PTPRD: variants seen among roughly 807,000 people sequenced by gnomAD.
PTPRD encodes receptor-type tyrosine-protein phosphatase delta.
In PTPRD, 34 loss-of-function variants were observed where a neutral mutation model predicts 214.5. That is an observed-to-expected ratio of 0.16 (90% CI 0.12 to 0.21). The LOEUF is 0.21. PTPRD is among the 10% of genes least tolerant of loss of function. The pLI is 1.00. For missense variants in PTPRD, 2,545 were observed against 2,398.7 expected (o/e 1.06, Z -1.27); for synonymous variants, 1,128 against 845.7 (o/e 1.33, Z -5.79).
chr9:10,450,315 G>A (rs1319934374), intron 2 of PTPRD, among the ~76,000 whole-genome samples: 1 of 151,816 alleles, frequency 6.6e-6, no homozygotes, highest in African/African-American at 2.4e-5. Flanking sequence ...GCACATAACT[G>A]TATATAAAAA....
chr9:9,386,893 A>G (rs1255689153), intron 9 of PTPRD, among the ~76,000 whole-genome samples: 2 of 152,170 alleles, frequency 1.3e-5, no homozygotes. Context: ...GCCCCAACAC[A>G]GAGGCATTTT....
chr9:9,910,844 A>C (rs999555740), intron 5 of PTPRD, among the ~76,000 whole-genome samples: 3 of 152,080 alleles, frequency 2.0e-5, no homozygotes, highest in African/African-American at 7.2e-5. Context: ...AAAACTGAGA[A>C]GTTCTGAGTT....
At chr9:10,391,021 A>G (rs991612245) in intron 2 of PTPRD, among the ~76,000 whole-genome samples, 2 of 151,832 alleles carry the variant, frequency 1.3e-5, no homozygotes, top group Admixed American at 1.3e-4. Context: ...AACACTCACC[A>G]TGGGGAACTG....
chr9:9,739,822 T>G (rs1245965189), intron 6 of PTPRD, among the ~76,000 whole-genome samples: 2 of 140,590 alleles, frequency 1.4e-5, no homozygotes, highest in Non-Finnish European at 3.0e-5. Flanking sequence ...TTTCTCTACA[T>G]ATATATATAT....
chr9:9,866,308 A>G (rs967200998), intron 5 of PTPRD, among the ~76,000 whole-genome samples: 1 of 152,196 alleles, frequency 6.6e-6, no homozygotes, highest in Admixed American at 6.5e-5. Flanking sequence ...AAAGTATTTC[A>G]TAACACTTAT....
At chr9:9,589,780 T>C (rs868650560) in intron 7 of PTPRD, among the ~76,000 whole-genome samples, 92 of 152,158 alleles carry the variant, frequency 6.0e-4, no homozygotes, top group African/African-American at 2.2e-3. Context: ...ATGTTGAAAT[T>C]TGAACAACAA....
intron 9 of PTPRD, among the ~76,000 whole-genome samples, chr9:9,378,071 T>C (rs2061270395): frequency 6.6e-6 from 1 of 152,050 alleles, no homozygotes; most frequent in South Asian, 2.1e-4. Flanking sequence ...TGAACCTCCA[T>C]TAAAACATCG....
rs1008857605 is a variant in PTPRD at position 10,172,138 on chromosome 9, C to G, written c.-544-138348G>C. ...TTAAGGAGTCAAAATCTAAAGACGA[C>G]CAACTGAAAAAGTTACTTGGTTCTA... On this transcript the variant is annotated intron_variant, in intron 3 of 45. Coordinates refer to ENST00000381196, the MANE Select transcript of PTPRD (RefSeq NM_002839.4). 2.0e-5 allele frequency among the ~76,000 whole-genome samples: 3 copies of G among 152,110 alleles called. No homozygotes were observed. In the East Asian group the frequency reaches 5.8e-4, roughly 29 times the overall value.
At chr9:8,444,055 C>G (rs547643416) in intron 34 of PTPRD, among the ~76,000 whole-genome samples, 25 of 152,156 alleles carry the variant, frequency 1.6e-4, no homozygotes, top group Non-Finnish European at 2.4e-4. Flanking sequence ...GTCTCTCTAT[C>G]AAAATGGTAA....
intron 4 of PTPRD, among the ~76,000 whole-genome samples, chr9:9,942,245 A>T (rs922241945): frequency 6.6e-6 from 1 of 152,174 alleles, no homozygotes; most frequent in East Asian, 1.9e-4. Context: ...TCCTTTAAAA[A>T]AATTCAATGA....
chr9:9,649,589 C>G (rs1301700774), intron 7 of PTPRD, among the ~76,000 whole-genome samples: 1 of 152,166 alleles, frequency 6.6e-6, no homozygotes, highest in Non-Finnish European at 1.5e-5. Context: ...TTGAGTGAGA[C>G]TAAATATCAC....
intron 8 of PTPRD, among the ~76,000 whole-genome samples, chr9:9,483,157 G>C (rs2095488366): frequency 6.6e-6 from 1 of 152,060 alleles, no homozygotes; most frequent in Non-Finnish European, 1.5e-5. Context: ...CTTTGTCTTA[G>C]AAATCATGCA....
At chr9:10,555,750 A>G (rs551187294) in intron 2 of PTPRD, among the ~76,000 whole-genome samples, 1 of 152,336 alleles carries the variant, frequency 6.6e-6, no homozygotes, top group African/African-American at 2.4e-5. Flanking sequence ...CAAGTGCTAG[A>G]AAAAAACCAC....
At chr9:9,577,594 G>C (rs1010441356) in intron 7 of PTPRD, among the ~76,000 whole-genome samples, 11 of 151,884 alleles carry the variant, frequency 7.2e-5, no homozygotes, top group African/African-American at 2.7e-4. Flanking sequence ...AAATAAAAAG[G>C]AGTTTATTTT....
intron 8 of PTPRD, among the ~76,000 whole-genome samples, chr9:9,561,936 G>A (rs2083074238): frequency 6.6e-6 from 1 of 151,910 alleles, no homozygotes; most frequent in South Asian, 2.1e-4. Context: ...TCATTTTATG[G>A]CTTTAAATGT....
intron 11 of PTPRD, among the ~76,000 whole-genome samples, chr9:8,906,279 T>C (rs1203462820): frequency 6.6e-6 from 1 of 152,208 alleles, no homozygotes; most frequent in Non-Finnish European, 1.5e-5. Context: ...CACTGTTTTT[T>C]TAAGCACTTG....
At chr9:8,322,013 T>G (rs201634075) in intron 44 of PTPRD, among the ~76,000 whole-genome samples, 2 of 152,148 alleles carry the variant, frequency 1.3e-5, no homozygotes, top group African/African-American at 4.8e-5. Context: ...TCTGTTAAAG[T>G]GATCTGTGAT....
intron 14 of PTPRD, among the ~76,000 whole-genome samples, chr9:8,632,026 T>C (rs1397565730): frequency 1.3e-5 from 2 of 151,800 alleles, no homozygotes; most frequent in East Asian, 1.9e-4. Context: ...GTCAATACTT[T>C]CCCTGCAACT....
chr9:10,302,037 C>G (rs2095876057), intron 3 of PTPRD, among the ~76,000 whole-genome samples: 1 of 152,152 alleles, frequency 6.6e-6, no homozygotes, highest in South Asian at 2.1e-4. Context: ...TTGGGTTACC[C>G]ACAAAGGGAA....
Sources: allele counts gnomAD v4.1 joint callset (sites outside exome capture counted in the v4.1 genomes callset), GRCh38; gene constraint gnomAD v4.1.1; transcripts MANE v1.5; gene names NCBI Gene and HGNC (gene_info 2026-07-23, HGNC 2026-07-21).